Variants in TF observed in about 807,000 individuals in gnomAD.
TF encodes the protein transferrin.
TF carries 55 observed loss-of-function variants against 82.4 expected under a neutral mutation model. That is an observed-to-expected ratio of 0.67 (90% confidence interval 0.54 to 0.84). The LOEUF (loss-of-function observed/expected upper bound fraction) is 0.84. Ranked by LOEUF, TF falls within the 40% of genes least tolerant of loss-of-function variation. The probability of loss-of-function intolerance (pLI) is 0.00; values close to 1 mark genes in which losing one functional copy is unlikely to be tolerated. For missense variants in TF, 737 were observed against 868.4 expected (o/e 0.85, Z 1.90); for synonymous variants, 332 against 332.6 (o/e 1.00, Z 0.02).
At chr3:133,748,356 T>C (rs941387506) in intron 1 of TF, 56 bp from the exon 2 acceptor site, 1 of 1,610,064 alleles carries the variant, frequency 6.2e-7, no homozygotes, top group African/African-American at 1.3e-5. Context: ...GGGGCGATGC[T>C]GTCTCTCCCT....
the TF span, among the ~76,000 whole-genome samples, chr3:133,729,758 G>C: frequency 6.6e-6 from 1 of 152,222 alleles, no homozygotes; most frequent in Middle Eastern, 3.4e-3. Context: ...CATCGCTCAC[G>C]CTGGGAGCTG....
Position 133,781,386 on chromosome 3 carries a change from A to G in TF, c.*2766A>G, listed in dbSNP as rs1308474393. On this transcript the variant is annotated 3_prime_UTR_variant, in exon 17 of 17. Coordinates refer to ENST00000402696, the MANE Select transcript of TF (RefSeq NM_001063.4). ...GGTAAGATAAAATTCAGTAAAGTGA[A>G]AGGAAATATTAAAATAAAAAATAAC... 1 of 152,068 alleles carries G rather than the reference A, an allele frequency of 6.6e-6. No homozygotes were observed. Among genetic ancestry groups the G allele is most frequent in the Middle Eastern group, 3.2e-3 (1 of 316 alleles). The allele number at this position is 152,068 out of a possible 1,614,324, so 9.4% of individuals were successfully genotyped here.
At chr3:133,714,268 C>A in the TF span, among the ~76,000 whole-genome samples, 1 of 152,146 alleles carries the variant, frequency 6.6e-6, no homozygotes, top group East Asian at 1.9e-4. Context: ...AGATTTAACT[C>A]TAGGTATTGT....
chr3:133,761,258 A>G, intron 9 of TF: 1 of 207,936 alleles, frequency 4.8e-6, no homozygotes. Flanking sequence ...TACATTGGAT[A>G]TTTACCTGTG....
intron 6 of TF, 84 bp downstream of exon 6, chr3:133,756,421 T>A: frequency 7.2e-7 from 1 of 1,393,820 alleles, no homozygotes; most frequent in East Asian, 2.4e-5. Context: ...GCTCAGTAAT[T>A]GGAAATGAGC....
rs1350299322 is a variant in TF at position 133,780,272 on chromosome 3, C to G, written c.*1652C>G. On this transcript the variant is annotated 3_prime_UTR_variant, in exon 17 of 17. Coordinates refer to ENST00000402696, the MANE Select transcript of TF (RefSeq NM_001063.4). The stretch of plus-strand genomic sequence containing the variant: ...CTTACCCCAAATCCTATAACTCTGC[C>G]TTTTCCTTTGTTTGGTGAGATACCC... The G allele has an allele frequency of 6.6e-6, 1 of 152,184 alleles. No individual in the cohort carries two copies. Among genetic ancestry groups the G allele is most frequent in the African/African-American group, 2.4e-5 (1 of 41,428 alleles). The allele number at this position is 152,184 out of a possible 1,614,324, so 9.4% of individuals were successfully genotyped here. A position where few individuals can be genotyped will look rare whatever the true frequency, so the allele number is the denominator to read the frequency against.
At chr3:133,738,203 G>A in the TF span, among the ~76,000 whole-genome samples, 1 of 152,104 alleles carries the variant, frequency 6.6e-6, no homozygotes. Flanking sequence ...CAGAACCAAT[G>A]ACAAAAACCA....
the TF span, among the ~76,000 whole-genome samples, chr3:133,702,889 G>A: frequency 6.6e-6 from 1 of 152,134 alleles, no homozygotes; most frequent in Admixed American, 6.6e-5. Context: ...TACTAAATGT[G>A]TCAATTGTAA....
the TF span, among the ~76,000 whole-genome samples, chr3:133,693,392 A>C: frequency 6.6e-6 from 1 of 152,248 alleles, no homozygotes; most frequent in Non-Finnish European, 1.5e-5. Context: ...GTTGAGGCAC[A>C]GTAAGGCTAG....
the TF span, among the ~76,000 whole-genome samples, chr3:133,686,404 A>G: frequency 6.6e-6 from 1 of 152,262 alleles, no homozygotes; most frequent in Non-Finnish European, 1.5e-5. Context: ...CATCAGAGTG[A>G]ACAGGCAGCC....
chr3:133,675,985 T>G, the TF span, among the ~76,000 whole-genome samples: 1 of 151,942 alleles, frequency 6.6e-6, no homozygotes, highest in African/African-American at 2.4e-5. Flanking sequence ...AGAGAAGGGA[T>G]TTTTTCCCCC....
intron 2 of TF, among the ~76,000 whole-genome samples, chr3:133,750,460 C>CTCCTCTACCT (rs8177196): frequency 2.0e-5 from 3 of 152,094 alleles, no homozygotes; most frequent in Admixed American, 6.5e-5. Context: ...TGGGGTTTTC[C>CTCCTCTACCT]GTGTCTTTCT....
At chr3:133,725,293 G>T in the TF span, among the ~76,000 whole-genome samples, 10 of 152,354 alleles carry the variant, frequency 6.6e-5, no homozygotes, top group Admixed American at 3.3e-4. Context: ...CATGAGCATG[G>T]AAGGTTCTTC....
chr3:133,718,273 T>C, the TF span, among the ~76,000 whole-genome samples: 2 of 152,054 alleles, frequency 1.3e-5, no homozygotes, highest in South Asian at 2.1e-4. Context: ...AAGGTTCTAA[T>C]TGAGTAAGAG....
At chr3:133,711,354 T>C in the TF span, among the ~76,000 whole-genome samples, 1 of 152,172 alleles carries the variant, frequency 6.6e-6, no homozygotes, top group Non-Finnish European at 1.5e-5. Context: ...CTCCTTAGCC[T>C]CCAGACATGT....
the TF span, chr3:133,699,331 C>T: frequency 2.0e-6 from 1 of 493,350 alleles, no homozygotes; most frequent in Non-Finnish European, 3.6e-6. Flanking sequence ...GAAAAAAATT[C>T]TCCCTCAGTC....
rs1933769667 is a variant in TF, at chr3:133,754,522, C to T, written c.353C>T (p.Ala118Val). ...EDPQTFYYAVAVVKKDSGFQM... is the reference protein window; with the variant it reads ...EDPQTFYYAVVVVKKDSGFQM... ...CCACAGACTTTCTATTATGCTGTTG[C>T]TGTGGTGAAGAAGGATAGTGGCTTC... Residue 118 changes from alanine (A) to valine (V), a missense_variant, in exon 4 of 17, where the codon GCT becomes GTT. Coordinates refer to ENST00000402696, the MANE Select transcript of TF (RefSeq NM_001063.4). The T allele has an allele frequency of 6.2e-7, 1 of 1,614,182 alleles. No individual in the cohort carries two copies. The highest frequency in any genetic ancestry group is 8.5e-7 in the Non-Finnish European group (1 of 1,180,034).
the TF span, among the ~76,000 whole-genome samples, chr3:133,719,521 G>A: frequency 1.3e-5 from 2 of 152,100 alleles, no homozygotes; most frequent in Non-Finnish European, 2.9e-5. Context: ...TCCCACTCCT[G>A]TAGTATAGTA....
chr3:133,679,068 T>A, the TF span, among the ~76,000 whole-genome samples: 1 of 152,154 alleles, frequency 6.6e-6, no homozygotes, highest in African/African-American at 2.4e-5. Flanking sequence ...AGATGGGGTT[T>A]CACCATGTTG....
Sources: allele counts gnomAD v4.1 joint callset (sites outside exome capture counted in the v4.1 genomes callset), GRCh38; gene constraint gnomAD v4.1.1; transcripts MANE v1.5; gene names NCBI Gene and HGNC (gene_info 2026-07-23, HGNC 2026-07-21).